The following PTPRN2 variants were observed in gnomAD, a reference collection of about 807,000 sequenced individuals.
PTPRN2 encodes protein tyrosine phosphatase receptor type N2, also known as receptor-type tyrosine-protein phosphatase N2.
A neutral mutation model predicts 118.8 loss-of-function variants in PTPRN2; 74 were observed. The ratio of observed to expected loss-of-function variants is 0.62; its 90% CI spans 0.52 to 0.76. The LOEUF (loss-of-function observed/expected upper bound fraction) is 0.76, where lower values mean the gene tolerates loss of function less well. Among genes scored for constraint, PTPRN2 ranks in the 30% least tolerant of loss-of-function variants. PTPRN2 has a pLI of 0.00. For synonymous variants in PTPRN2, 641 were observed against 608.0 expected (o/e 1.05, Z -0.80); for missense variants, 1,481 against 1,394.4 (o/e 1.06, Z -0.99).
In PTPRN2 at chr7:157,747,664, T is replaced by C. The variant is rs1183599785; in HGVS notation, c.1789-64727A>G. Among the ~76,000 whole-genome samples, 3 of 133,968 alleles carry C rather than the reference T, an allele frequency of 2.2e-5. No individual in the cohort carries two copies. The Admixed American group carries it at 2.3e-4, about 10-fold the overall frequency. 87.9% of individuals were successfully genotyped at this position (133,968 alleles called of 152,430 possible). On this transcript the variant is annotated intron_variant, in intron 12 of 22. Coordinates refer to ENST00000389418, the MANE Select transcript of PTPRN2 (RefSeq NM_002847.5). ...CGGGTGATTCTGAGGCCTGCGTCCC[T>C]GAGCTGTGGGCTGTTGAGGTGATTC...
chr7:157,548,880 T>TC, intron 22 of PTPRN2, 66 bp downstream of exon 22: 1 of 1,478,602 alleles, frequency 6.8e-7, no homozygotes, highest in Non-Finnish European at 9.5e-7. Flanking sequence ...CGTGCTCCTC[T>TC]CAGGAACACG....
At chr7:158,034,233 A>T (rs572588734) in intron 11 of PTPRN2, among the ~76,000 whole-genome samples, 1 of 144,618 alleles carries the variant, frequency 6.9e-6, no homozygotes, top group Non-Finnish European at 1.5e-5. Context: ...CTCAATAGAA[A>T]CTCTGCATGC....
chr7:157,659,654 A>C (rs1317437274), intron 13 of PTPRN2, among the ~76,000 whole-genome samples: 1 of 152,120 alleles, frequency 6.6e-6, no homozygotes, highest in Non-Finnish European at 1.5e-5. Context: ...AGTGTGTTTA[A>C]AAAAATCCAC....
chr7:158,103,980 GC>G (rs1011616647), intron 10 of PTPRN2, among the ~76,000 whole-genome samples: 2 of 151,980 alleles, frequency 1.3e-5, no homozygotes, highest in African/African-American at 4.8e-5. Flanking sequence ...CTCTGCCTCA[GC>G]CTCCCAAGTA....
intron 2 of PTPRN2, among the ~76,000 whole-genome samples, chr7:158,342,368 C>A (rs535003155): frequency 6.8e-6 from 1 of 147,366 alleles, no homozygotes; most frequent in African/African-American, 2.5e-5. Flanking sequence ...CACCCACACT[C>A]TCACCATAAG....
At chr7:158,558,411 G>T (rs888598951) in intron 1 of PTPRN2, among the ~76,000 whole-genome samples, 1 of 152,190 alleles carries the variant, frequency 6.6e-6, no homozygotes, top group Non-Finnish European at 1.5e-5. Context: ...AGATCCTGAG[G>T]CCGCAGGGTG....
intron 11 of PTPRN2, among the ~76,000 whole-genome samples, chr7:158,070,414 CGTGGTGGTGGTGCTCGTG>C (rs1563386604): frequency 2.1e-5 from 2 of 93,068 alleles, no homozygotes; most frequent in African/African-American, 9.7e-5. Context: ...TGGACGTGCT[CGTGGTGGTGGTGCTCGTG>C]GTGGTGGAGG....
At chr7:157,578,676 A>G (rs1800184673) in intron 17 of PTPRN2, among the ~76,000 whole-genome samples, 1 of 152,268 alleles carries the variant, frequency 6.6e-6, no homozygotes, top group Non-Finnish European at 1.5e-5. Context: ...ATTAAAGCAA[A>G]TACCAAATTG....
chr7:157,999,784 G>A (rs760756092), intron 11 of PTPRN2, among the ~76,000 whole-genome samples: 2 of 152,164 alleles, frequency 1.3e-5, no homozygotes, highest in Non-Finnish European at 1.5e-5. Context: ...CTCAAAGGTG[G>A]GGTGCAGACT....
intron 6 of PTPRN2, among the ~76,000 whole-genome samples, chr7:158,151,670 T>G (rs1396606708): frequency 1.3e-5 from 2 of 151,998 alleles, no homozygotes; most frequent in African/African-American, 2.4e-5. Flanking sequence ...TTCTTCCCTC[T>G]TGTTTCCTTT....
chr7:158,129,720 C>A (rs999073972), intron 9 of PTPRN2, among the ~76,000 whole-genome samples: 9 of 152,194 alleles, frequency 5.9e-5, no homozygotes, highest in African/African-American at 2.2e-4. Context: ...TCTGCGTCAC[C>A]CAGTGCTGAG....
At chr7:158,334,591 C>A (rs62480927) in intron 2 of PTPRN2, among the ~76,000 whole-genome samples, 4 of 49,062 alleles carry the variant, frequency 8.2e-5, no homozygotes, top group East Asian at 6.1e-4. Context: ...TCACTCACAC[C>A]CACACTCTCA....
At chr7:157,854,008 C>G (rs1264492162) in intron 12 of PTPRN2, among the ~76,000 whole-genome samples, 1 of 152,194 alleles carries the variant, frequency 6.6e-6, no homozygotes, top group Non-Finnish European at 1.5e-5. Flanking sequence ...AGATTCTTCT[C>G]CGAGGGCCTC....
At chr7:158,181,035 C>T (rs2335837) in intron 5 of PTPRN2, among the ~76,000 whole-genome samples, 93,719 of 151,958 alleles carry the variant, frequency 0.62, 30,111 homozygotes, top group East Asian at 0.78. Flanking sequence ...AGGGGGGATG[C>T]TTTCAACTTT....
intron 12 of PTPRN2, among the ~76,000 whole-genome samples, chr7:157,726,043 C>G (rs1351900178): frequency 2.7e-5 from 4 of 148,072 alleles, no homozygotes; most frequent in African/African-American, 1.0e-4. Context: ...GCCAGACCCT[C>G]GCCTCCCAGG....
At chr7:157,975,229 T>G (rs1276695300) in intron 11 of PTPRN2, among the ~76,000 whole-genome samples, 1 of 152,144 alleles carries the variant, frequency 6.6e-6, no homozygotes, top group Non-Finnish European at 1.5e-5. Flanking sequence ...TCCACTCTCT[T>G]GTCCACCCCA....
At chr7:157,898,199 G>T (rs1399820795) in intron 12 of PTPRN2, among the ~76,000 whole-genome samples, 1 of 152,154 alleles carries the variant, frequency 6.6e-6, no homozygotes, top group African/African-American at 2.4e-5. Context: ...ACAGGGGCTT[G>T]ATAGATTTTC....
chr7:157,656,858 AC>A (rs869243374), intron 13 of PTPRN2, among the ~76,000 whole-genome samples: 2 of 58,812 alleles, frequency 3.4e-5, no homozygotes, highest in South Asian at 4.3e-4. Flanking sequence ...ACACACACAC[AC>A]ATCACACATA....
At chr7:157,549,269 C>T (rs1563203337) in intron 21 of PTPRN2, among the ~76,000 whole-genome samples, 1 of 151,726 alleles carries the variant, frequency 6.6e-6, no homozygotes, top group Non-Finnish European at 1.5e-5. Flanking sequence ...TTACCAACAG[C>T]AGGCCGTCAC....
Sources: gnomAD v4.1 joint callset for allele counts (sites outside exome capture counted in the v4.1 genomes callset) on GRCh38, gnomAD v4.1.1 for gene constraint, MANE v1.5 for transcripts, NCBI Gene and HGNC (gene_info 2026-07-23, HGNC 2026-07-21) for gene names.